ZNRF3: variants seen among roughly 807,000 people sequenced by gnomAD.
The protein encoded by ZNRF3 is zinc and ring finger 3, also known as E3 ubiquitin-protein ligase ZNRF3.
A neutral mutation model predicts 72.5 loss-of-function variants in ZNRF3; 23 were observed. The observed-to-expected ratio is 0.32, with a 90% CI of 0.23 to 0.45. The LOEUF (loss-of-function observed/expected upper bound fraction) is 0.45. Among genes scored for constraint, ZNRF3 ranks in the 20% least tolerant of loss-of-function variants. The pLI is 1.00. For synonymous variants in ZNRF3, 610 were observed against 545.3 expected (o/e 1.12, Z -1.65); for missense variants, 1,169 against 1,272.1 (o/e 0.92, Z 1.23).
chr22:29,044,818 T>A lies in ZNRF3; in HGVS notation c.672T>A (p.Ala224=), dbSNP rs1414493657. 16 of 1,614,068 alleles carry A rather than the reference T, an allele frequency of 9.9e-6. No individual in the cohort carries two copies. The highest frequency in any genetic ancestry group is 1.2e-5 in the Non-Finnish European group (14 of 1,180,038). The change falls in exon 5 of 9, where the codon GCT becomes GCA. Residue 224 remains alanine, a synonymous_variant. Coordinates refer to ENST00000544604, the MANE Select transcript of ZNRF3 (RefSeq NM_001206998.2). ...TEYFDMGIFL[A]FFVVVSLVCL... is the part of the protein sequence containing the mutation. ...ACTTTGACATGGGGATTTTCCTGGC[T>A]TTCTTCGTCGTGGTCTCCTTGGTCT...
intron 2 of ZNRF3, among the ~76,000 whole-genome samples, chr22:29,032,460 G>T (rs879752358): frequency 4.6e-5 from 7 of 152,198 alleles, no homozygotes; most frequent in Non-Finnish European, 1.0e-4. Context: ...GAGACACGAT[G>T]TCTGCATTCG....
intron 2 of ZNRF3, among the ~76,000 whole-genome samples, chr22:29,037,901 G>T (rs1445490300): frequency 6.6e-6 from 1 of 152,212 alleles, no homozygotes; most frequent in African/African-American, 2.4e-5. Context: ...GCCTTTGGCT[G>T]CTTCTGGGAG....
chr22:28,887,387 A>T (rs2033811458), intron 1 of ZNRF3, among the ~76,000 whole-genome samples: 1 of 151,932 alleles, frequency 6.6e-6, no homozygotes, highest in South Asian at 2.1e-4. Context: ...CTAGTTAAGA[A>T]TTGTGTCAGT....
At chr22:29,022,569 A>C (rs1373064311) in intron 2 of ZNRF3, among the ~76,000 whole-genome samples, 2 of 152,112 alleles carry the variant, frequency 1.3e-5, no homozygotes, top group African/African-American at 4.8e-5. Context: ...TTGACTTTAA[A>C]TTACTTCATG....
chr22:28,930,758 T>C (rs976542170), intron 1 of ZNRF3, among the ~76,000 whole-genome samples: 2 of 152,246 alleles, frequency 1.3e-5, no homozygotes, highest in African/African-American at 4.8e-5. Context: ...CTTTGCTCTT[T>C]GAGCACAGAG....
At chr22:28,968,503 A>C (rs2035514580) in intron 1 of ZNRF3, among the ~76,000 whole-genome samples, 1 of 152,160 alleles carries the variant, frequency 6.6e-6, no homozygotes, top group South Asian at 2.1e-4. Context: ...TGAGGTTAGG[A>C]GTTCAAGACC....
intron 1 of ZNRF3, among the ~76,000 whole-genome samples, chr22:28,920,522 C>G (rs1156983823): frequency 6.6e-6 from 1 of 152,200 alleles, no homozygotes; most frequent in Non-Finnish European, 1.5e-5. Context: ...CCACCCACCT[C>G]GGCCTCCCAG....
intron 2 of ZNRF3, among the ~76,000 whole-genome samples, chr22:28,992,187 C>T (rs2035967122): frequency 7.3e-6 from 1 of 137,614 alleles, no homozygotes; most frequent in Admixed American, 7.3e-5. Flanking sequence ...GCCCCGGCCC[C>T]GCACACCACC....
intron 1 of ZNRF3, among the ~76,000 whole-genome samples, chr22:28,906,733 G>C (rs935911930): frequency 7.2e-5 from 11 of 152,218 alleles, no homozygotes; most frequent in Admixed American, 2.0e-4. Context: ...AGCTACAATA[G>C]AGAGACGTGC....
At chr22:28,922,036 C>G (rs777156076) in intron 1 of ZNRF3, among the ~76,000 whole-genome samples, 12 of 152,148 alleles carry the variant, frequency 7.9e-5, no homozygotes, top group Non-Finnish European at 2.9e-5. Flanking sequence ...TCATTTGTTT[C>G]ATATACACCT....
intron 1 of ZNRF3, among the ~76,000 whole-genome samples, chr22:28,958,252 G>C (rs929238308): frequency 1.3e-5 from 2 of 152,218 alleles, no homozygotes; most frequent in African/African-American, 2.4e-5. Flanking sequence ...GCAATTCATG[G>C]AACAATGAGT....
intron 1 of ZNRF3, among the ~76,000 whole-genome samples, chr22:28,907,275 G>A (rs1286036925): frequency 6.6e-6 from 1 of 151,890 alleles, no homozygotes; most frequent in African/African-American, 2.4e-5. Flanking sequence ...TTACAGGCAT[G>A]AGCCACCGTG....
chr22:28,944,483 G>C (rs909978471), intron 1 of ZNRF3, among the ~76,000 whole-genome samples: 3 of 151,800 alleles, frequency 2.0e-5, no homozygotes, highest in Non-Finnish European at 4.4e-5. Context: ...TGCCGGGTGC[G>C]GTGGCTCACG....
chr22:28,932,322 A>AG (rs1448865553), intron 1 of ZNRF3, among the ~76,000 whole-genome samples: 1 of 152,112 alleles, frequency 6.6e-6, no homozygotes, highest in Non-Finnish European at 1.5e-5. Flanking sequence ...AAAAAAAAAA[A>AG]TCTTAACTTT....
Position 29,050,903 on chromosome 22 carries a change from C to G in ZNRF3, c.2722C>G (p.Leu908Val). Residue 908 changes from leucine (L) to valine (V), a missense_variant, in exon 8 of 9, where the codon CTC becomes GTC. Leu to Val is a conservative substitution (Grantham distance 32). This residue lies in a region of ZNRF3 where 783 missense variants were observed against 731.4 expected (regional missense o/e 1.07). Coordinates refer to ENST00000544604, the MANE Select transcript of ZNRF3 (RefSeq NM_001206998.2). ...TGTCAGGGCCAACTTCCCTAGTGCC[C>G]TCCAGGACACTCAGGAGTCCAGCAC... ...GAVRANFPSALQDTQESSTTA... is the reference protein window; with the variant it reads ...GAVRANFPSAVQDTQESSTTA... The G allele has an allele frequency of 6.4e-7, 1 of 1,558,844 alleles. No individual in the cohort carries two copies. Among genetic ancestry groups the G allele is most frequent in the Non-Finnish European group, 8.6e-7 (1 of 1,161,024 alleles).
chr22:29,027,409 C>T (rs1444287022), intron 2 of ZNRF3, among the ~76,000 whole-genome samples: 2 of 151,994 alleles, frequency 1.3e-5, no homozygotes, highest in Non-Finnish European at 2.9e-5. Context: ...CCACCATGCC[C>T]AGCTAATTTT....
intron 2 of ZNRF3, among the ~76,000 whole-genome samples, chr22:28,988,881 C>T (rs1398625102): frequency 6.6e-6 from 1 of 152,284 alleles, no homozygotes; most frequent in African/African-American, 2.4e-5. Context: ...ACAGGGATTA[C>T]AGGGTCACCC....
intron 1 of ZNRF3, among the ~76,000 whole-genome samples, chr22:28,958,057 T>C (rs1054065763): frequency 1.3e-5 from 2 of 152,058 alleles, no homozygotes; most frequent in African/African-American, 2.4e-5. Context: ...GCGTTGTGGC[T>C]TGTGCCTGTA....
At position 28,883,712 on chromosome 22, in the gene ZNRF3, G is replaced by C. The variant is rs1055941951; in HGVS notation, c.-55G>C. 7.1e-6 allele frequency: 7 copies of C among 983,642 alleles called. No individual in the cohort carries two copies. In the African/African-American group the frequency reaches 1.2e-4, roughly 17 times the overall value. 60.9% of individuals were successfully genotyped at this position (983,642 alleles called of 1,614,324 possible). A position where few individuals can be genotyped will look rare whatever the true frequency, so the allele number is the denominator to read the frequency against. On this transcript the variant is annotated 5_prime_UTR_variant, in exon 1 of 9. Coordinates refer to ENST00000544604, the MANE Select transcript of ZNRF3 (RefSeq NM_001206998.2). This position sits in a 1 kb window ranked among gnomAD's most constrained non-coding sequence, Gnocchi z 5.5. The stretch of plus-strand genomic sequence containing the variant: ...GTCCGCCCGCGTTCGGTCCTCAGCC[G>C]GCCCGCGACTATGCCCGGCCGCGCC...
Sources: gnomAD v4.1 joint callset for allele counts (sites outside exome capture counted in the v4.1 genomes callset) on GRCh38, gnomAD v4.1.1 for gene constraint, gnomAD v4.1.1 regional missense constraint, Gnocchi (gnomAD v3.1) non-coding constraint, MANE v1.5 for transcripts, NCBI Gene and HGNC (gene_info 2026-07-23, HGNC 2026-07-21) for gene names.